UBE2R2: variants seen among roughly 807,000 people sequenced by gnomAD.
The protein encoded by UBE2R2 is ubiquitin-conjugating enzyme E2 R2.
In UBE2R2, 1 loss-of-function variant was observed where a neutral mutation model predicts 27.8. That is an observed-to-expected ratio of 0.04 (90% confidence interval 0.01 to 0.17). The LOEUF is 0.17. Ranked by LOEUF, UBE2R2 falls within the 10% of genes least tolerant of loss-of-function variation. The pLI is 1.00. For missense variants in UBE2R2, 100 were observed against 291.0 expected, an observed-to-expected ratio of 0.34 and a Z score of 4.78; for synonymous variants, 106 against 113.3, an observed-to-expected ratio of 0.94 and a Z score of 0.41.
At chr9:33,865,794 C>G (rs1240040106) in intron 1 of UBE2R2, among the ~76,000 whole-genome samples, 1 of 149,930 alleles carries the variant, frequency 6.7e-6, no homozygotes, top group Non-Finnish European at 1.5e-5. Context: ...TGGAATTCCT[C>G]TTCATCCCTC....
rs1821089884 is a variant in UBE2R2, at chr9:33,855,861, T to C, written c.178-31020T>C. On this transcript the variant is annotated intron_variant, in intron 1 of 4. Coordinates refer to ENST00000263228, the MANE Select transcript of UBE2R2 (RefSeq NM_017811.4). Reference sequence around the variant, plus strand: ...GGGAGGCCAAGGTGGGCGGATCACTTGAGCCCAGGAGTTCGAAATCAGCCT... The same window carrying C: ...GGGAGGCCAAGGTGGGCGGATCACTCGAGCCCAGGAGTTCGAAATCAGCCT... 2.0e-5 allele frequency among the ~76,000 whole-genome samples: 3 copies of C among 152,152 alleles called. No homozygotes were observed. The South Asian group carries it at 6.2e-4, about 32-fold the overall frequency.
chr9:33,916,535 T>C (rs1339832746), intron 4 of UBE2R2, among the ~76,000 whole-genome samples: 1 of 152,224 alleles, frequency 6.6e-6, no homozygotes. Context: ...TGGGACGTTT[T>C]ATTCACATAT....
intron 1 of UBE2R2, among the ~76,000 whole-genome samples, chr9:33,831,699 G>A (rs2477515): frequency 5.3e-5 from 8 of 151,486 alleles, no homozygotes; most frequent in South Asian, 2.1e-4. Flanking sequence ...TCACTATGTC[G>A]CCCAGGCTGA....
upstream of UBE2R2, among the ~76,000 whole-genome samples, chr9:33,815,252 T>A (rs1330053301): frequency 6.6e-6 from 1 of 152,232 alleles, no homozygotes; most frequent in Non-Finnish European, 1.5e-5. Flanking sequence ...TAGTCTGGTA[T>A]CCTGGATGAG....
intron 1 of UBE2R2, among the ~76,000 whole-genome samples, chr9:33,855,844 A>G (rs528755845): frequency 2.8e-4 from 42 of 152,282 alleles, no homozygotes; most frequent in Admixed American, 1.1e-3. Flanking sequence ...TTGGGAGGCC[A>G]AGGTGGGCGG....
At chr9:33,833,380 A>AAAAAAC (rs1181726317) in intron 1 of UBE2R2, among the ~76,000 whole-genome samples, 1 of 151,872 alleles carries the variant, frequency 6.6e-6, no homozygotes, top group Non-Finnish European at 1.5e-5. Flanking sequence ...TTGTGTTTTT[A>AAAAAAC]GCAGAGACGT....
chr9:33,830,935 CTG>C (rs1246309883), intron 1 of UBE2R2: 2 of 151,842 alleles, frequency 1.3e-5, no homozygotes, highest in South Asian at 2.1e-4. Context: ...GTTGAAATAA[CTG>C]TGGTTCCATT....
chr9:33,915,079 G>A (rs1391122025), intron 4 of UBE2R2, among the ~76,000 whole-genome samples: 4 of 151,302 alleles, frequency 2.6e-5, no homozygotes, highest in Non-Finnish European at 4.4e-5. Context: ...GCAATGAGCT[G>A]AGATTGCGTC....
In UBE2R2 at chr9:33,817,959, C is replaced by T. The variant is rs748876310; in HGVS notation, c.177+25C>T. 6 of 1,595,220 alleles carry T rather than the reference C, an allele frequency of 3.8e-6. No individual in the cohort carries two copies. The South Asian group carries it at 6.7e-5, about 18-fold the overall frequency. On this transcript the variant is annotated intron_variant, in intron 1 of 4. Transcript: ENST00000263228. The stretch of plus-strand genomic sequence containing the variant: ...GGTACCCTCACCCTCCTCCCGGACC[C>T]TGCTTCCGCGGCCGAGGCCTCCGGC...
In UBE2R2 at chr9:33,918,720, G is replaced by A. The variant is rs1161842913; in HGVS notation, c.*1483G>A. 2.6e-5 allele frequency: 4 copies of A among 152,632 alleles called. No homozygotes were observed. The highest frequency in any genetic ancestry group is 9.7e-5 in the African/African-American group (4 of 41,444). The allele number at this position is 152,632 out of a possible 1,614,324, so 9.5% of individuals were successfully genotyped here. Reference sequence around the variant, plus strand: ...AATCAGATTTCAGAAGGAAAATGCAGCAAGGACTGACTGTAGTCCTATTTC... The same window carrying A: ...AATCAGATTTCAGAAGGAAAATGCAACAAGGACTGACTGTAGTCCTATTTC... On this transcript the variant is annotated 3_prime_UTR_variant, in exon 5 of 5. Transcript: ENST00000263228.
intron 1 of UBE2R2, among the ~76,000 whole-genome samples, chr9:33,872,465 A>AT (rs1821506591): frequency 6.6e-6 from 1 of 151,980 alleles, no homozygotes; most frequent in Non-Finnish European, 1.5e-5. Flanking sequence ...ACAGATGATA[A>AT]TTTTTTTAAA....
At chr9:33,915,994 G>A (rs528387525) in intron 4 of UBE2R2, among the ~76,000 whole-genome samples, 1 of 152,220 alleles carries the variant, frequency 6.6e-6, no homozygotes, top group South Asian at 2.1e-4. Flanking sequence ...AGGTGTGTCC[G>A]AGATGCCAAA....
chr9:33,842,263 T>C (rs1341238597), intron 1 of UBE2R2, among the ~76,000 whole-genome samples: 2 of 152,030 alleles, frequency 1.3e-5, no homozygotes, highest in African/African-American at 4.8e-5. Context: ...TAGCTGGGCA[T>C]GGTGGTGCAC....
Position 33,877,117 on chromosome 9 carries a change from TA to T in UBE2R2, c.178-9753del, listed in dbSNP as rs55937840. ...TGGACAACAGAGCGAAACTCCATCTTAAAAAAAAAAACTACTTCTAGAATAA... is the reference window on the plus strand; with the variant it reads ...TGGACAACAGAGCGAAACTCCATCTTAAAAAAAAAACTACTTCTAGAATAA... On this transcript the variant is annotated intron_variant, in intron 1 of 4. Transcript: ENST00000263228. Among the ~76,000 whole-genome samples the T allele has an allele frequency of 5.0e-4, 72 of 143,746 alleles. No individual in the cohort carries two copies. In the Middle Eastern group the frequency reaches 0.011, roughly 21 times the overall value. 94.3% of individuals were successfully genotyped at this position (143,746 alleles called of 152,430 possible). A position where few individuals can be genotyped will look rare whatever the true frequency, so the allele number is the denominator to read the frequency against.
intron 1 of UBE2R2, among the ~76,000 whole-genome samples, chr9:33,868,228 G>A (rs1018539049): frequency 4.6e-5 from 7 of 152,122 alleles, no homozygotes; most frequent in Non-Finnish European, 1.0e-4. Flanking sequence ...AGCCGCTTGT[G>A]TTGCTCTGCC....
intron 1 of UBE2R2, among the ~76,000 whole-genome samples, chr9:33,832,090 C>T (rs1249171833): frequency 1.3e-5 from 2 of 150,732 alleles, no homozygotes; most frequent in South Asian, 2.1e-4. Flanking sequence ...GGGCGGATCA[C>T]CTGAGGTTGG....
chr9:33,914,050 G>A (rs556457233), intron 4 of UBE2R2, among the ~76,000 whole-genome samples: 7 of 152,248 alleles, frequency 4.6e-5, no homozygotes, highest in South Asian at 2.1e-4. Context: ...TTAAGGGTCC[G>A]TTTATCTCAT....
rs368242010 is a variant in UBE2R2 at position 33,917,948 on chromosome 9, T to G, written c.*711T>G. The G allele has an allele frequency of 6.5e-6, 1 of 153,666 alleles. No individual in the cohort carries two copies. The highest frequency in any genetic ancestry group is 6.6e-5 in the Admixed American group (1 of 15,258). The allele number at this position is 153,666 out of a possible 1,614,324, so 9.5% of individuals were successfully genotyped here. ...TCAGACTTTGTTTTTTGAAATCGAT[T>G]GGGATCGAAAGCCTGAAATAAATAT... On this transcript the variant is annotated 3_prime_UTR_variant, in exon 5 of 5. Transcript: ENST00000263228.
At chr9:33,916,272 T>C (rs1477481022) in intron 4 of UBE2R2, among the ~76,000 whole-genome samples, 2 of 151,890 alleles carry the variant, frequency 1.3e-5, no homozygotes. Context: ...ACCTGGGAGA[T>C]GGAGGTTGCA....
Sources: allele counts gnomAD v4.1 joint callset (sites outside exome capture counted in the v4.1 genomes callset), GRCh38; gene constraint gnomAD v4.1.1; transcripts MANE v1.5; gene names NCBI Gene and HGNC (gene_info 2026-07-23, HGNC 2026-07-21).